SMOC2: variants seen among roughly 807,000 people sequenced by gnomAD.
The protein encoded by SMOC2 is SPARC-related modular calcium-binding protein 2.
Under a neutral mutation model 61.4 loss-of-function variants are expected in SMOC2, and 39 were observed. That is an observed-to-expected ratio of 0.64 (90% CI 0.49 to 0.83). SMOC2 has a LOEUF of 0.83. SMOC2 is among the 40% of genes least tolerant of loss of function. The probability of loss-of-function intolerance (pLI) is 0.00; values close to 1 mark genes in which losing one functional copy is unlikely to be tolerated. For synonymous variants in SMOC2, 247 were observed against 239.9 expected (o/e 1.03, Z -0.27); for missense variants, 556 against 592.9 (o/e 0.94, Z 0.65).
At chr6:168,595,043 A>G (rs71536618) in intron 7 of SMOC2, among the ~76,000 whole-genome samples, 2,710 of 8,966 alleles carry the variant, frequency 0.3, 138 homozygotes, top group Middle Eastern at 0.5. Context: ...AGGCCTCACG[A>G]GCATCTTTCT....
chr6:168,606,529 C>T (rs1441453871), intron 8 of SMOC2, among the ~76,000 whole-genome samples: 2 of 152,052 alleles, frequency 1.3e-5, no homozygotes, highest in African/African-American at 2.4e-5. Context: ...TCTGGGGCCT[C>T]TGTTAGAACA....
At chr6:168,469,871 T>C (rs747429422) in intron 1 of SMOC2, among the ~76,000 whole-genome samples, 2 of 152,278 alleles carry the variant, frequency 1.3e-5, no homozygotes, top group African/African-American at 2.4e-5. Context: ...GGTGATATTG[T>C]GCATTTGTCT....
intron 2 of SMOC2, among the ~76,000 whole-genome samples, chr6:168,513,115 A>G (rs969635240): frequency 6.6e-6 from 1 of 152,260 alleles, no homozygotes; most frequent in African/African-American, 2.4e-5. Context: ...ATTTACATTA[A>G]AACACACATT....
At chr6:168,664,154 A>G (rs772385292) in intron 12 of SMOC2, 43 bp downstream of exon 12, 2 of 1,459,422 alleles carry the variant, frequency 1.4e-6, no homozygotes, top group African/African-American at 1.4e-5. Flanking sequence ...TCGTTTTTAA[A>G]TTATAAACAA....
At chr6:168,658,631 C>G (rs1377912124) in intron 11 of SMOC2, among the ~76,000 whole-genome samples, 1 of 152,162 alleles carries the variant, frequency 6.6e-6, no homozygotes, top group Non-Finnish European at 1.5e-5. Context: ...TGAATGTTGA[C>G]TCTTTGTAAG....
chr6:168,601,863 G>T (rs1161712388), intron 8 of SMOC2, among the ~76,000 whole-genome samples: 1 of 152,164 alleles, frequency 6.6e-6, no homozygotes, highest in Non-Finnish European at 1.5e-5. Flanking sequence ...GTTTCATTCT[G>T]CCTGGGCTTC....
intron 7 of SMOC2, among the ~76,000 whole-genome samples, chr6:168,582,530 G>A (rs1053767775): frequency 9.8e-5 from 15 of 152,300 alleles, no homozygotes; most frequent in Middle Eastern, 6.8e-3. Context: ...ATGCAGGCTG[G>A]GGTGGGGCAG....
At chr6:168,658,067 C>A (rs1787371807) in intron 11 of SMOC2, among the ~76,000 whole-genome samples, 1 of 152,182 alleles carries the variant, frequency 6.6e-6, no homozygotes, top group South Asian at 2.1e-4. Flanking sequence ...AACCTACAAG[C>A]AGGGTCCACA....
intron 7 of SMOC2, among the ~76,000 whole-genome samples, chr6:168,560,308 A>G (rs1784371147): frequency 6.6e-6 from 1 of 152,242 alleles, no homozygotes; most frequent in Non-Finnish European, 1.5e-5. Flanking sequence ...AGGGCAAACG[A>G]AGAAGTCATT....
intron 1 of SMOC2, among the ~76,000 whole-genome samples, chr6:168,509,578 A>G (rs1179337179): frequency 3.4e-5 from 5 of 145,918 alleles, no homozygotes. Context: ...CAAATTAGTC[A>G]ATGAATTCAC....
chr6:168,606,061 C>T (rs1785679224), intron 8 of SMOC2, among the ~76,000 whole-genome samples: 1 of 152,138 alleles, frequency 6.6e-6, no homozygotes, highest in African/African-American at 2.4e-5. Context: ...CCTCAGAGTG[C>T]CCTAGTTCTA....
intron 2 of SMOC2, among the ~76,000 whole-genome samples, chr6:168,515,330 C>T (rs998433429): frequency 1.5e-4 from 23 of 152,280 alleles, no homozygotes; most frequent in East Asian, 3.9e-4. Flanking sequence ...AGGCGGCAAA[C>T]GTTACAATCA....
intron 2 of SMOC2, among the ~76,000 whole-genome samples, chr6:168,513,342 G>GT (rs66518172): frequency 0.78 from 118,304 of 151,148 alleles, 47,872 homozygotes; most frequent in East Asian, 0.92. Flanking sequence ...GTCCTTATAG[G>GT]TTTTTTTTTC....
intron 9 of SMOC2, among the ~76,000 whole-genome samples, chr6:168,634,351 C>T (rs922124236): frequency 6.6e-6 from 1 of 152,146 alleles, no homozygotes; most frequent in Non-Finnish European, 1.5e-5. Flanking sequence ...TGGCACAGGA[C>T]TTATTGCATG....
At chr6:168,586,394 T>C (rs1379637211) in intron 7 of SMOC2, among the ~76,000 whole-genome samples, 1 of 152,224 alleles carries the variant, frequency 6.6e-6, no homozygotes, top group African/African-American at 2.4e-5. Flanking sequence ...TTACTGGCTT[T>C]ATAATGATTT....
intron 9 of SMOC2, 122 bp downstream of exon 9, chr6:168,608,361 C>T: frequency 9.4e-7 from 1 of 1,064,038 alleles, no homozygotes; most frequent in Non-Finnish European, 1.4e-6. Context: ...GACTCTGAGG[C>T]CTCCTACCTC....
intron 9 of SMOC2, among the ~76,000 whole-genome samples, chr6:168,629,469 C>T (rs1450729907): frequency 6.6e-6 from 1 of 152,262 alleles, no homozygotes; most frequent in Non-Finnish European, 1.5e-5. Flanking sequence ...GGGTGCCGGG[C>T]TGCCTGAGCT....
At chr6:168,479,288 C>CATTG (rs1782156884) in intron 1 of SMOC2, among the ~76,000 whole-genome samples, 1 of 152,236 alleles carries the variant, frequency 6.6e-6, no homozygotes, top group Non-Finnish European at 1.5e-5. Flanking sequence ...TACTTGTGAG[C>CATTG]ATTGGGAAGA....
chr6:168,474,660 C>T (rs1782039066), intron 1 of SMOC2, among the ~76,000 whole-genome samples: 1 of 152,134 alleles, frequency 6.6e-6, no homozygotes, highest in Non-Finnish European at 1.5e-5. Context: ...ACAGCCAAGA[C>T]CACCAGGCAC....
Sources: allele counts gnomAD v4.1 joint callset (sites outside exome capture counted in the v4.1 genomes callset), GRCh38; gene constraint gnomAD v4.1.1; transcripts MANE v1.5; gene names NCBI Gene and HGNC (gene_info 2026-07-23, HGNC 2026-07-21).